Variants in RPRD1A observed in about 807,000 individuals in gnomAD.
The protein encoded by RPRD1A is regulation of nuclear pre-mRNA domain-containing protein 1A.
RPRD1A carries 9 observed loss-of-function variants against 37.8 expected under a neutral mutation model. The observed-to-expected ratio is 0.24, with a 90% CI of 0.14 to 0.42. The LOEUF (loss-of-function observed/expected upper bound fraction) is 0.42. Ranked by LOEUF, RPRD1A falls within the 10% of genes least tolerant of loss-of-function variation. The pLI, the probability that RPRD1A is intolerant of heterozygous loss-of-function variation, is 1.00. For synonymous variants in RPRD1A, 138 were observed against 139.7 expected (o/e 0.99, Z 0.08); for missense variants, 255 against 371.0 (o/e 0.69, Z 2.57).
At chr18:36,000,153 C>T (rs1480228711) in intron 6 of RPRD1A, among the ~76,000 whole-genome samples, 1 of 152,126 alleles carries the variant, frequency 6.6e-6, no homozygotes, top group Non-Finnish European at 1.5e-5. Flanking sequence ...GGACAGACTG[C>T]AAAGGAAATA....
intron 6 of RPRD1A, among the ~76,000 whole-genome samples, chr18:36,024,660 A>G (rs560903957): frequency 2.2e-4 from 33 of 152,350 alleles, no homozygotes; most frequent in Non-Finnish European, 3.4e-4. Context: ...GCAGCAACAA[A>G]TGACACATCA....
In RPRD1A at chr18:36,067,262, AGCTC is replaced by A; in HGVS notation, c.139_142del (p.Glu47CysfsTer15). The stretch of plus-strand genomic sequence containing the variant: ...ATAAGCGGTTGACTCACCTTTCCGC[AGCTC>A]CCGCTCCCACACGGTGACGATGGGA... On this transcript the variant is annotated frameshift_variant, in exon 1 of 7. Transcript: ENST00000399022. LOFTEE classifies it high-confidence loss of function. 1 of 1,588,636 alleles carries A rather than the reference AGCTC, an allele frequency of 6.3e-7. No individual in the cohort carries two copies. Among genetic ancestry groups the A allele is most frequent in the Non-Finnish European group, 8.6e-7 (1 of 1,167,966 alleles).
Position 35,990,314 on chromosome 18 carries a change from A to G in RPRD1A, c.*2837T>C, listed in dbSNP as rs933694890. ...AAAGATGAGTTGCTCATCTACAGTGATAACTGACAACTTAGTTTTGTGATT... is the reference window on the plus strand; with the variant it reads ...AAAGATGAGTTGCTCATCTACAGTGGTAACTGACAACTTAGTTTTGTGATT... On this transcript the variant is annotated 3_prime_UTR_variant, in exon 7 of 7. Coordinates refer to ENST00000399022, the MANE Select transcript of RPRD1A (RefSeq NM_018170.5). 1.3e-5 allele frequency: 2 copies of G among 152,252 alleles called. No individual in the cohort carries two copies. The highest frequency in any genetic ancestry group is 4.8e-5 in the African/African-American group (2 of 41,464). The allele number at this position is 152,252 out of a possible 1,614,324, so 9.4% of individuals were successfully genotyped here.
chr18:36,012,733 C>CT (rs1910257499), intron 6 of RPRD1A, among the ~76,000 whole-genome samples: 1 of 152,150 alleles, frequency 6.6e-6, no homozygotes. Context: ...CACTATGGGT[C>CT]TTGGAAAACA....
chr18:36,032,408 C>A (rs979930001), intron 2 of RPRD1A, among the ~76,000 whole-genome samples: 1 of 152,176 alleles, frequency 6.6e-6, no homozygotes, highest in African/African-American at 2.4e-5. Flanking sequence ...AAACTGTAGA[C>A]TATAGACTGT....
At chr18:36,046,497 T>C (rs1912962607) in intron 1 of RPRD1A, among the ~76,000 whole-genome samples, 1 of 151,884 alleles carries the variant, frequency 6.6e-6, no homozygotes. Flanking sequence ...CTTCTCCTGA[T>C]GGGGCAGTGT....
At chr18:36,066,691 C>A (rs1487473656) in intron 1 of RPRD1A, among the ~76,000 whole-genome samples, 2 of 152,248 alleles carry the variant, frequency 1.3e-5, no homozygotes, top group Non-Finnish European at 2.9e-5. Flanking sequence ...CTCTCCTTTT[C>A]AGGTAAGGCA....
At chr18:36,011,822 T>C (rs1910197606) in intron 6 of RPRD1A, among the ~76,000 whole-genome samples, 1 of 152,204 alleles carries the variant, frequency 6.6e-6, no homozygotes, top group African/African-American at 2.4e-5. Context: ...AGTAAAGATT[T>C]TGTAAGAGTC....
At chr18:36,043,801 T>C (rs574781808) in intron 1 of RPRD1A, among the ~76,000 whole-genome samples, 2 of 152,312 alleles carry the variant, frequency 1.3e-5, no homozygotes, top group Admixed American at 6.5e-5. Flanking sequence ...AGGTAAGTTA[T>C]CCTCATTTTA....
At chr18:36,035,899 A>C (rs1397555549) in intron 1 of RPRD1A, among the ~76,000 whole-genome samples, 1 of 152,160 alleles carries the variant, frequency 6.6e-6, no homozygotes, top group Non-Finnish European at 1.5e-5. Context: ...TCATAGAAAA[A>C]AAGAGTAGAA....
At chr18:36,017,746 G>A (rs757582880) in intron 6 of RPRD1A, among the ~76,000 whole-genome samples, 21 of 152,170 alleles carry the variant, frequency 1.4e-4, no homozygotes, top group Non-Finnish European at 2.4e-4. Context: ...TTCCATGAAT[G>A]AGTGAACAGG....
chr18:36,064,779 T>C (rs1220310241), intron 1 of RPRD1A, among the ~76,000 whole-genome samples: 1 of 152,134 alleles, frequency 6.6e-6, no homozygotes, highest in Non-Finnish European at 1.5e-5. Context: ...CTGTTGAAGA[T>C]TTGTTCTTTC....
At chr18:36,054,039 T>C (rs1024735621) in intron 1 of RPRD1A, among the ~76,000 whole-genome samples, 1 of 150,916 alleles carries the variant, frequency 6.6e-6, no homozygotes, top group Non-Finnish European at 1.5e-5. Context: ...ATGTGCACAA[T>C]GAGTTTGGGA....
intron 6 of RPRD1A, among the ~76,000 whole-genome samples, chr18:35,996,176 A>G (rs1037952640): frequency 1.3e-5 from 2 of 152,250 alleles, no homozygotes; most frequent in African/African-American, 2.4e-5. Flanking sequence ...AGATGTTACA[A>G]TAGGGGAAAC....
Position 36,027,460 on chromosome 18 carries a change from A to AT in RPRD1A, c.487-151dup, listed in dbSNP as rs531567553. The AT allele has an allele frequency of 9.5e-4, 723 of 763,232 alleles. 3 individuals carry two copies. The African/African-American group carries it at 0.012, about 12-fold the overall frequency. The allele number at this position is 763,232 out of a possible 1,614,324, so 47.3% of individuals were successfully genotyped here. A position where few individuals can be genotyped will look rare whatever the true frequency, so the allele number is the denominator to read the frequency against. ...TTTGAAGACAATCAATTTCTTTCAT[A>AT]TGTTAAGAAAAAAGGAGGCTATACT... is the stretch of plus-strand genomic sequence containing the variant. On this transcript the variant is annotated intron_variant, in intron 4 of 6. Coordinates refer to ENST00000399022, the MANE Select transcript of RPRD1A (RefSeq NM_018170.5).
rs369346216 is a variant in RPRD1A at position 36,000,326 on chromosome 18, A to AT, written c.790-7027dup. On this transcript the variant is annotated intron_variant, in intron 6 of 6. Transcript: ENST00000399022. ...CCTATACATCTCAGATGGAGCTGTC[A>AT]TTTTTTCCCCCTTGACTGCAGAAGT... 3.8e-3 allele frequency among the ~76,000 whole-genome samples: 585 copies of AT among 152,188 alleles called. 4 individuals carry two copies. Among genetic ancestry groups the AT allele is most frequent in the African/African-American group, 0.012 (501 of 41,522 alleles).
intron 6 of RPRD1A, among the ~76,000 whole-genome samples, chr18:36,021,284 G>A (rs556519215): frequency 6.6e-6 from 1 of 152,236 alleles, no homozygotes; most frequent in South Asian, 2.1e-4. Context: ...CAAGTCTAGA[G>A]GTACCATTTT....
intron 6 of RPRD1A, among the ~76,000 whole-genome samples, chr18:36,022,731 G>C (rs950742405): frequency 6.6e-6 from 1 of 152,136 alleles, no homozygotes; most frequent in African/African-American, 2.4e-5. Flanking sequence ...GGGAGGCCCA[G>C]GTGGGAGGAC....
At chr18:36,001,403 G>A (rs1435670611) in intron 6 of RPRD1A, among the ~76,000 whole-genome samples, 1 of 152,208 alleles carries the variant, frequency 6.6e-6, no homozygotes, top group Non-Finnish European at 1.5e-5. Context: ...AAATTCAAAT[G>A]AGGAAGTTAA....
Sources: gnomAD v4.1 joint callset for allele counts (sites outside exome capture counted in the v4.1 genomes callset) on GRCh38, gnomAD v4.1.1 for gene constraint, MANE v1.5 for transcripts, NCBI Gene and HGNC (gene_info 2026-07-23, HGNC 2026-07-21) for gene names.